The following KATNIP variants were observed in gnomAD, a reference collection of about 807,000 sequenced individuals.
The protein encoded by KATNIP is katanin interacting protein.
In KATNIP, 126 loss-of-function variants were observed where a neutral mutation model predicts 174.0. The observed-to-expected ratio is 0.72, with a 90% CI of 0.63 to 0.84. The LOEUF is 0.84. KATNIP is among the 40% of genes least tolerant of loss of function. KATNIP has a pLI of 0.00. For synonymous variants in KATNIP, 810 were observed against 835.7 expected, an observed-to-expected ratio of 0.97 and a Z score of 0.53; for missense variants, 1,958 against 2,109.7, an observed-to-expected ratio of 0.93 and a Z score of 1.41.
At chr16:27,606,417 C>T (rs1453199885) in intron 2 of KATNIP, among the ~76,000 whole-genome samples, 1 of 151,820 alleles carries the variant, frequency 6.6e-6, no homozygotes, top group African/African-American at 2.4e-5. Flanking sequence ...ATTCAGACAC[C>T]GTCTAGTATT....
intron 8 of KATNIP, among the ~76,000 whole-genome samples, chr16:27,695,909 G>A (rs943447970): frequency 2.0e-5 from 3 of 152,114 alleles, no homozygotes; most frequent in Admixed American, 6.5e-5. Flanking sequence ...ATTTCATCTC[G>A]TCATCACCCC....
intron 2 of KATNIP, among the ~76,000 whole-genome samples, chr16:27,591,051 C>T (rs1418619451): frequency 3.9e-5 from 6 of 152,214 alleles, no homozygotes; most frequent in African/African-American, 2.4e-5. Context: ...AGGAGACTTC[C>T]TGTGTGAGTT....
intron 1 of KATNIP, among the ~76,000 whole-genome samples, chr16:27,572,213 T>C (rs1330805954): frequency 1.3e-5 from 2 of 151,956 alleles, no homozygotes; most frequent in African/African-American, 4.8e-5. Context: ...CCCAGGAAAT[T>C]GAGACCAGCC....
At chr16:27,573,346 A>T (rs548260148) in intron 1 of KATNIP, among the ~76,000 whole-genome samples, 1 of 152,382 alleles carries the variant, frequency 6.6e-6, no homozygotes, top group Non-Finnish European at 1.5e-5. Flanking sequence ...CACTCTGTTG[A>T]ATTTATGCAC....
At position 27,740,297 on chromosome 16, in the gene KATNIP, C is replaced by G. The variant is rs748041970; in HGVS notation, c.2000C>G (p.Ala667Gly). Residue 667 changes from alanine to glycine, a missense_variant, in exon 15 of 28, where the codon GCG (alanine) becomes GGG (glycine). Physicochemically the swap from Ala to Gly is moderately conservative, Grantham distance 60. Coordinates refer to ENST00000261588, the MANE Select transcript of KATNIP (RefSeq NM_015202.5). ...LGCSPPAETL[A>G]DAKLSSQGNV... The stretch of plus-strand genomic sequence containing the variant: ...TGCTCACCGCCAGCTGAAACATTAG[C>G]GGATGCAAAGCTTTCTTCACAAGGA... 1 of 1,614,226 alleles carries G rather than the reference C, an allele frequency of 6.2e-7. No individual in the cohort carries two copies. Among genetic ancestry groups the G allele is most frequent in the East Asian group, 2.2e-5 (1 of 44,882 alleles).
chr16:27,558,727 C>T (rs948718359), intron 1 of KATNIP, among the ~76,000 whole-genome samples: 1 of 152,192 alleles, frequency 6.6e-6, no homozygotes, highest in South Asian at 2.1e-4. Context: ...ATGTGGCCCA[C>T]GGGCCAAAAA....
At chr16:27,639,031 C>T (rs541884162) in intron 5 of KATNIP, among the ~76,000 whole-genome samples, 5 of 152,148 alleles carry the variant, frequency 3.3e-5, no homozygotes, top group Admixed American at 6.5e-5. Flanking sequence ...ATCCATTCAC[C>T]GCCTCCAGGA....
At chr16:27,579,472 A>G (rs1466010598) in intron 2 of KATNIP, among the ~76,000 whole-genome samples, 1 of 152,188 alleles carries the variant, frequency 6.6e-6, no homozygotes, top group Non-Finnish European at 1.5e-5. Flanking sequence ...TAAGTGTTCC[A>G]TAGATGTTAG....
At chr16:27,694,614 G>A (rs1165992938) in intron 8 of KATNIP, among the ~76,000 whole-genome samples, 1 of 151,886 alleles carries the variant, frequency 6.6e-6, no homozygotes, top group African/African-American at 2.4e-5. Context: ...TGGGCAACAT[G>A]GTGAAACCCC....
rs184925117 is a variant in KATNIP, at chr16:27,573,723, C to T, written c.8-178C>T. On this transcript the variant is annotated intron_variant, in intron 1 of 27. Coordinates refer to ENST00000261588, the MANE Select transcript of KATNIP (RefSeq NM_015202.5). ...GTGTGTGAATTACCATTTTCCTTGC[C>T]GTTGGTCTATTTCAAAAGTGTGCCA... Among the ~76,000 whole-genome samples the T allele has an allele frequency of 1.6e-3, 247 of 152,240 alleles. 1 individual carries two copies. Among genetic ancestry groups the T allele is most frequent in the African/African-American group, 5.5e-3 (228 of 41,540 alleles).
At chr16:27,677,298 C>G (rs2078154684) in intron 6 of KATNIP, among the ~76,000 whole-genome samples, 1 of 152,070 alleles carries the variant, frequency 6.6e-6, no homozygotes, top group African/African-American at 2.4e-5. Flanking sequence ...AAAGTGTGGT[C>G]CCTGGACCAG....
intron 5 of KATNIP, among the ~76,000 whole-genome samples, chr16:27,634,274 G>A (rs2076572119): frequency 6.6e-6 from 1 of 152,168 alleles, no homozygotes; most frequent in Non-Finnish European, 1.5e-5. Flanking sequence ...CTTCTACACT[G>A]TATCAGTCAG....
At chr16:27,704,396 C>G (rs776747295) in intron 12 of KATNIP, among the ~76,000 whole-genome samples, 9 of 152,162 alleles carry the variant, frequency 5.9e-5, no homozygotes, top group Non-Finnish European at 8.8e-5. Flanking sequence ...GCGGCAGTCC[C>G]ACATACGTGG....
chr16:27,646,697 G>T (rs1037403462), intron 5 of KATNIP, among the ~76,000 whole-genome samples: 1 of 152,224 alleles, frequency 6.6e-6, no homozygotes, highest in Non-Finnish European at 1.5e-5. Flanking sequence ...GGAACCTTGC[G>T]TGCCAGGTAC....
chr16:27,715,787 G>C (rs975151506), intron 13 of KATNIP, among the ~76,000 whole-genome samples: 2 of 152,104 alleles, frequency 1.3e-5, no homozygotes, highest in African/African-American at 4.8e-5. Context: ...AAAGAAAAGA[G>C]AAAATAAGTA....
chr16:27,626,340 A>G (rs369464741), intron 3 of KATNIP, among the ~76,000 whole-genome samples: 1 of 152,128 alleles, frequency 6.6e-6, no homozygotes, highest in Non-Finnish European at 1.5e-5. Context: ...AACACTGACT[A>G]TCTTCTTGCC....
chr16:27,771,490 C>A, intron 21 of KATNIP, 98 bp from the exon 22 acceptor site: 1 of 1,184,642 alleles, frequency 8.4e-7, no homozygotes, highest in Non-Finnish European at 1.2e-6. Flanking sequence ...GAACGCTAAA[C>A]TGCCATGTTT....
At chr16:27,760,342 G>C (rs1293391917) in intron 18 of KATNIP, among the ~76,000 whole-genome samples, 1 of 152,186 alleles carries the variant, frequency 6.6e-6, no homozygotes, top group African/African-American at 2.4e-5. Flanking sequence ...GTTAAGGAAA[G>C]AGACGTTCCA....
chr16:27,754,042 C>A, intron 17 of KATNIP, 131 bp from the exon 18 acceptor site: 1 of 750,182 alleles, frequency 1.3e-6, no homozygotes, highest in Non-Finnish European at 2.3e-6. Flanking sequence ...GCAGAAAAAT[C>A]CAGGAAAACA....
Sources: gnomAD v4.1 joint callset for allele counts (sites outside exome capture counted in the v4.1 genomes callset) on GRCh38, gnomAD v4.1.1 for gene constraint, MANE v1.5 for transcripts, NCBI Gene and HGNC (gene_info 2026-07-23, HGNC 2026-07-21) for gene names.